Variants in PLCB1 observed in about 807,000 individuals in gnomAD.
PLCB1 encodes phospholipase C beta 1.
Under a neutral mutation model 161.8 loss-of-function variants are expected in PLCB1, and 46 were observed. The observed-to-expected ratio is 0.28, with a 90% CI of 0.22 to 0.36. PLCB1 has a LOEUF of 0.36. Among genes scored for constraint, PLCB1 ranks in the 10% least tolerant of loss-of-function variants. The pLI is 1.00. For missense variants in PLCB1, 1,016 were observed against 1,472.5 expected (o/e 0.69, Z 5.07); for synonymous variants, 517 against 503.7 (o/e 1.03, Z -0.35).
intron 19 of PLCB1, among the ~76,000 whole-genome samples, chr20:8,733,691 A>T (rs1049854732): frequency 6.6e-6 from 1 of 151,206 alleles, no homozygotes; most frequent in Non-Finnish European, 1.5e-5. Flanking sequence ...CTAATGCTAA[A>T]TGACGAGTTA....
intron 2 of PLCB1, among the ~76,000 whole-genome samples, chr20:8,337,811 G>T (rs1436443052): frequency 1.3e-5 from 2 of 152,140 alleles, no homozygotes; most frequent in African/African-American, 4.8e-5. Flanking sequence ...TATCTTCTTG[G>T]TAAGTTAACT....
At chr20:8,434,309 C>T (rs1385456658) in intron 3 of PLCB1, among the ~76,000 whole-genome samples, 1 of 93,108 alleles carries the variant, frequency 1.1e-5, no homozygotes, top group Non-Finnish European at 2.6e-5. Flanking sequence ...CATACCAGAT[C>T]CTAAGGTTTC....
chr20:8,817,786 C>T (rs1228917349), intron 31 of PLCB1, among the ~76,000 whole-genome samples: 1 of 152,026 alleles, frequency 6.6e-6, no homozygotes, highest in East Asian at 1.9e-4. Context: ...ATGACCCCTA[C>T]AAAAACTTGA....
At chr20:8,386,520 G>A (rs1350301842) in intron 3 of PLCB1, among the ~76,000 whole-genome samples, 1 of 152,150 alleles carries the variant, frequency 6.6e-6, no homozygotes, top group African/African-American at 2.4e-5. Context: ...ATCAGATTTT[G>A]TTGTGCTGTT....
At chr20:8,761,636 A>G (rs1169752755) in intron 25 of PLCB1, among the ~76,000 whole-genome samples, 3 of 152,102 alleles carry the variant, frequency 2.0e-5, no homozygotes, top group Non-Finnish European at 2.9e-5. Context: ...CTCCTGCCTC[A>G]GCCTCCCAAA....
chr20:8,867,093 T>C (rs533719607), intron 31 of PLCB1, among the ~76,000 whole-genome samples: 5 of 152,350 alleles, frequency 3.3e-5, no homozygotes, highest in Admixed American at 6.5e-5. Context: ...GAGTTCATTC[T>C]AGGACATTTG....
At chr20:8,451,094 A>G (rs956589380) in intron 3 of PLCB1, among the ~76,000 whole-genome samples, 1 of 152,330 alleles carries the variant, frequency 6.6e-6, no homozygotes, top group African/African-American at 2.4e-5. Context: ...TATAGATTGT[A>G]CATTTGTTTT....
At chr20:8,171,849 C>T (rs918064494) in intron 2 of PLCB1, among the ~76,000 whole-genome samples, 3 of 152,132 alleles carry the variant, frequency 2.0e-5, no homozygotes, top group African/African-American at 7.2e-5. Flanking sequence ...ATTGTAAAGT[C>T]CATGCAAGCC....
rs879358376 is a variant in PLCB1 at position 8,722,951 on chromosome 20, T to G, written c.1581+530T>G. On this transcript the variant is annotated intron_variant, in intron 15 of 31. Transcript: ENST00000338037. ...GGAGGATGGCTTGAGTCCAAAAATT[T>G]GAAGCTGCAGTGAGCTATGATCACA... Among the ~76,000 whole-genome samples, 101 of 152,222 alleles carry G rather than the reference T, an allele frequency of 6.6e-4. 1 individual carries two copies. Among genetic ancestry groups the G allele is most frequent in the African/African-American group, 2.4e-3 (99 of 41,544 alleles).
At chr20:8,467,271 C>T (rs1411280958) in intron 3 of PLCB1, among the ~76,000 whole-genome samples, 1 of 152,108 alleles carries the variant, frequency 6.6e-6, no homozygotes, top group East Asian at 1.9e-4. Context: ...ACATATTTTG[C>T]CAAATGCCTT....
chr20:8,565,869 A>G (rs990754125), intron 3 of PLCB1, among the ~76,000 whole-genome samples: 1 of 152,160 alleles, frequency 6.6e-6, no homozygotes, highest in African/African-American at 2.4e-5. Context: ...GGATTTAGGC[A>G]AATTTGCATT....
At chr20:8,294,737 T>C (rs570952953) in intron 2 of PLCB1, among the ~76,000 whole-genome samples, 1 of 151,484 alleles carries the variant, frequency 6.6e-6, no homozygotes, top group Non-Finnish European at 1.5e-5. Flanking sequence ...CACACAATCC[T>C]GTACAATTAG....
chr20:8,859,699 T>C lies in PLCB1; in HGVS notation c.3424-21923T>C, dbSNP rs940657534. Among the ~76,000 whole-genome samples the C allele has an allele frequency of 2.0e-5, 3 of 152,338 alleles. No homozygotes were observed. In the South Asian group the frequency reaches 6.2e-4, roughly 32 times the overall value. Reference sequence around the variant, plus strand: ...TGCTCAGGTATTTCTTGTTGAAGTCTTTTCCACAGGGTAGACTCTAGCTTG... The same window carrying C: ...TGCTCAGGTATTTCTTGTTGAAGTCCTTTCCACAGGGTAGACTCTAGCTTG... On this transcript the variant is annotated intron_variant, in intron 31 of 31. Coordinates refer to ENST00000338037, the MANE Select transcript of PLCB1 (RefSeq NM_015192.4).
intron 2 of PLCB1, among the ~76,000 whole-genome samples, chr20:8,212,420 G>C (rs541639653): frequency 1.3e-5 from 2 of 151,984 alleles, no homozygotes; most frequent in Non-Finnish European, 2.9e-5. Flanking sequence ...AAGAAAATAC[G>C]GTGGGTGAAA....
intron 2 of PLCB1, among the ~76,000 whole-genome samples, chr20:8,174,026 T>C (rs2051758366): frequency 6.6e-6 from 1 of 152,108 alleles, no homozygotes; most frequent in South Asian, 2.1e-4. Flanking sequence ...TTTCTAAGAT[T>C]TCTATCACTG....
intron 2 of PLCB1, among the ~76,000 whole-genome samples, chr20:8,232,331 C>G (rs1340949781): frequency 6.6e-6 from 1 of 152,094 alleles, no homozygotes; most frequent in African/African-American, 2.4e-5. Flanking sequence ...TCATTAGCAT[C>G]TTAAGATAAA....
chr20:8,184,076 T>A (rs534276273), intron 2 of PLCB1, among the ~76,000 whole-genome samples: 1 of 152,266 alleles, frequency 6.6e-6, no homozygotes, highest in South Asian at 2.1e-4. Flanking sequence ...TTAAATAAAA[T>A]GGACTCCAGA....
chr20:8,867,735 G>A (rs1456791231), intron 31 of PLCB1, among the ~76,000 whole-genome samples: 1 of 152,076 alleles, frequency 6.6e-6, no homozygotes, highest in East Asian at 1.9e-4. Flanking sequence ...TAAAATTGCT[G>A]AATTTGAGTG....
intron 3 of PLCB1, among the ~76,000 whole-genome samples, chr20:8,393,504 G>T (rs1342737562): frequency 6.6e-6 from 1 of 151,982 alleles, no homozygotes; most frequent in Non-Finnish European, 1.5e-5. Context: ...AAAAAATATA[G>T]GTGGATGCAG....
Sources: gnomAD v4.1 joint callset for allele counts (sites outside exome capture counted in the v4.1 genomes callset) on GRCh38, gnomAD v4.1.1 for gene constraint, MANE v1.5 for transcripts, NCBI Gene and HGNC (gene_info 2026-07-23, HGNC 2026-07-21) for gene names.